RNF217: variants seen among roughly 807,000 people sequenced by gnomAD.
The protein encoded by RNF217 is E3 ubiquitin-protein ligase RNF217.
In RNF217, 31 loss-of-function variants were observed where a neutral mutation model predicts 57.8. The observed-to-expected ratio is 0.54, with a 90% CI of 0.40 to 0.72. The LOEUF (loss-of-function observed/expected upper bound fraction) is 0.72, where lower values mean the gene tolerates loss of function less well. Among genes scored for constraint, RNF217 ranks in the 30% least tolerant of loss-of-function variants. The pLI is 0.00. For missense variants in RNF217, 696 were observed against 708.3 expected, an observed-to-expected ratio of 0.98 and a Z score of 0.20; for synonymous variants, 313 against 294.0, an observed-to-expected ratio of 1.06 and a Z score of -0.66.
chr6:125,025,515 G>A (rs1010396961), intron 1 of RNF217, among the ~76,000 whole-genome samples: 1 of 150,774 alleles, frequency 6.6e-6, no homozygotes, highest in Non-Finnish European at 1.5e-5. Context: ...GCTTTCTACC[G>A]AGGAGGGAGG....
chr6:124,998,547 C>T (rs1784838353), intron 1 of RNF217, among the ~76,000 whole-genome samples: 2 of 152,166 alleles, frequency 1.3e-5, no homozygotes, highest in Admixed American at 6.5e-5. Context: ...AACCTGTAGT[C>T]GCAACACTTT....
At chr6:125,015,705 G>A (rs1231110390) in intron 1 of RNF217, among the ~76,000 whole-genome samples, 1 of 151,838 alleles carries the variant, frequency 6.6e-6, no homozygotes, top group African/African-American at 2.4e-5. Flanking sequence ...TGCTCTGAAA[G>A]AAAATAGTAA....
chr6:125,049,008 T>C (rs751378194), intron 2 of RNF217, among the ~76,000 whole-genome samples: 1 of 152,070 alleles, frequency 6.6e-6, no homozygotes, highest in Non-Finnish European at 1.5e-5. Flanking sequence ...AGTATTTCTG[T>C]CTTCTTCTCC....
At chr6:125,012,056 G>C (rs1785435428) in intron 1 of RNF217, among the ~76,000 whole-genome samples, 1 of 151,832 alleles carries the variant, frequency 6.6e-6, no homozygotes, top group Non-Finnish European at 1.5e-5. Context: ...AAAAGCCTTA[G>C]ATTAAATGAA....
chr6:125,050,666 G>C (rs774041466), intron 2 of RNF217, among the ~76,000 whole-genome samples: 1 of 151,800 alleles, frequency 6.6e-6, no homozygotes, highest in Non-Finnish European at 1.5e-5. Context: ...ATAAGAATGT[G>C]TAAAGCTTTC....
chr6:125,075,790 C>A (rs496878), intron 3 of RNF217, among the ~76,000 whole-genome samples: 4,499 of 152,152 alleles, frequency 0.03, 214 homozygotes, highest in African/African-American at 0.1. Flanking sequence ...GCTCTAATTT[C>A]TATACAATAT....
chr6:125,037,326 C>G (rs551029219), intron 1 of RNF217, among the ~76,000 whole-genome samples: 1 of 152,268 alleles, frequency 6.6e-6, no homozygotes, highest in Admixed American at 6.5e-5. Context: ...AGCTTTTAAA[C>G]AACAAACTAC....
chr6:124,986,615 TTCAAAA>T (rs1247860249), intron 1 of RNF217, among the ~76,000 whole-genome samples: 4 of 152,238 alleles, frequency 2.6e-5, no homozygotes, highest in African/African-American at 9.6e-5. Context: ...TTTGTGTTTA[TTCAAAA>T]GAATTTTATA....
intron 1 of RNF217, among the ~76,000 whole-genome samples, chr6:125,025,803 T>A (rs1454951044): frequency 6.6e-6 from 1 of 151,600 alleles, no homozygotes; most frequent in African/African-American, 2.4e-5. Flanking sequence ...GAAGGGATAT[T>A]TACAAATGTA....
chr6:125,030,006 T>G (rs1239154796), intron 1 of RNF217, among the ~76,000 whole-genome samples: 1 of 152,138 alleles, frequency 6.6e-6, no homozygotes, highest in Non-Finnish European at 1.5e-5. Context: ...TACACGTGGC[T>G]GGGGAGGCCT....
At chr6:125,057,657 T>C (rs1787573251) in intron 2 of RNF217, among the ~76,000 whole-genome samples, 1 of 152,190 alleles carries the variant, frequency 6.6e-6, no homozygotes, top group African/African-American at 2.4e-5. Context: ...AGGTTCAATC[T>C]GGGAGACTGC....
chr6:125,004,717 T>C (rs1279824235), intron 1 of RNF217, among the ~76,000 whole-genome samples: 1 of 152,212 alleles, frequency 6.6e-6, no homozygotes, highest in African/African-American at 2.4e-5. Flanking sequence ...TGCCTAAATA[T>C]ATGCACAAAG....
intron 2 of RNF217, among the ~76,000 whole-genome samples, chr6:125,050,236 G>A (rs1393231943): frequency 2.0e-5 from 3 of 151,940 alleles, no homozygotes; most frequent in South Asian, 4.1e-4. Flanking sequence ...TGAAGGTCAT[G>A]CTTATCAACA....
chr6:125,016,773 G>A (rs1484911747), intron 1 of RNF217, among the ~76,000 whole-genome samples: 8 of 151,754 alleles, frequency 5.3e-5, no homozygotes, highest in South Asian at 4.2e-4. Flanking sequence ...ATCACACACC[G>A]GGGCCTGTGA....
chr6:124,995,091 T>C (rs960896385), intron 1 of RNF217, among the ~76,000 whole-genome samples: 4 of 152,186 alleles, frequency 2.6e-5, no homozygotes, highest in African/African-American at 9.7e-5. Context: ...TACCCTTGAG[T>C]AGGGAGATGT....
chr6:125,073,860 G>C (rs865875098), intron 3 of RNF217, among the ~76,000 whole-genome samples: 56 of 152,282 alleles, frequency 3.7e-4, no homozygotes, highest in African/African-American at 1.3e-3. Flanking sequence ...CTCCATATGT[G>C]CCAAAACGAG....
At chr6:125,005,464 AG>A (rs1427643221) in intron 1 of RNF217, among the ~76,000 whole-genome samples, 92 of 152,354 alleles carry the variant, frequency 6.0e-4, no homozygotes, top group African/African-American at 2.1e-3. Flanking sequence ...TGTATTTTGC[AG>A]GCAAGAGAAT....
intron 1 of RNF217, among the ~76,000 whole-genome samples, chr6:124,972,252 A>G (rs993362038): frequency 1.3e-5 from 2 of 151,950 alleles, no homozygotes; most frequent in African/African-American, 4.8e-5. Context: ...TCAATTCTTC[A>G]TCTTTAAAAT....
intron 3 of RNF217, among the ~76,000 whole-genome samples, chr6:125,072,263 A>G (rs1331786769): frequency 6.6e-6 from 1 of 152,204 alleles, no homozygotes; most frequent in East Asian, 1.9e-4. Context: ...TAATCAAGAT[A>G]TATTCATAAT....
Sources: allele counts gnomAD v4.1 joint callset (sites outside exome capture counted in the v4.1 genomes callset), GRCh38; gene constraint gnomAD v4.1.1; transcripts MANE v1.5; gene names NCBI Gene and HGNC (gene_info 2026-07-23, HGNC 2026-07-21).